Variants in ITPRID1 observed in about 807,000 individuals in gnomAD.
ITPRID1 encodes the protein protein ITPRID1.
Under a neutral mutation model 95.4 loss-of-function variants are expected in ITPRID1, and 96 were observed. The observed-to-expected ratio is 1.01, with a 90% confidence interval of 0.85 to 1.19. The LOEUF is 1.19. Ranked by LOEUF, ITPRID1 falls within the 50% of genes most tolerant of loss-of-function variation. ITPRID1 has a pLI of 0.00. For missense variants in ITPRID1, 1,339 were observed against 1,252.9 expected, an observed-to-expected ratio of 1.07 and a Z score of -1.04; for synonymous variants, 510 against 453.6, an observed-to-expected ratio of 1.12 and a Z score of -1.58.
chr7:31,612,528 G>C (rs1786920528), intron 10 of ITPRID1, among the ~76,000 whole-genome samples: 1 of 152,128 alleles, frequency 6.6e-6, no homozygotes, highest in Non-Finnish European at 1.5e-5. Context: ...TTGTTTTAAA[G>C]AGACTTTCCT....
intron 10 of ITPRID1, among the ~76,000 whole-genome samples, chr7:31,621,146 G>C (rs1787841920): frequency 6.6e-6 from 1 of 150,884 alleles, no homozygotes; most frequent in South Asian, 2.1e-4. Context: ...GTACCTGAAA[G>C]TGATGGGGAG....
At chr7:31,602,867 C>A (rs1363658246) in intron 10 of ITPRID1, among the ~76,000 whole-genome samples, 1 of 151,774 alleles carries the variant, frequency 6.6e-6, no homozygotes. Context: ...AGCAGGGTAC[C>A]CCCTGCATCT....
chr7:31,572,056 C>A (rs1785008402), intron 6 of ITPRID1, 46 bp from the exon 7 acceptor site: 11 of 1,235,448 alleles, frequency 8.9e-6, no homozygotes, highest in Non-Finnish European at 1.2e-5. Flanking sequence ...TCCCAGGAGA[C>A]TATCTAAATC....
At chr7:31,570,496 G>A (rs1007155109) in intron 6 of ITPRID1, among the ~76,000 whole-genome samples, 18 of 152,164 alleles carry the variant, frequency 1.2e-4, no homozygotes, top group African/African-American at 4.1e-4. Flanking sequence ...CGCATTTTCA[G>A]GATAATTCCA....
At chr7:31,607,298 C>T (rs1461364325) in intron 10 of ITPRID1, among the ~76,000 whole-genome samples, 2 of 152,010 alleles carry the variant, frequency 1.3e-5, no homozygotes, top group South Asian at 2.1e-4. Flanking sequence ...CATTTTTGGG[C>T]CACTTCCTTC....
At chr7:31,534,974 G>A (rs1286111029) in intron 1 of ITPRID1, among the ~76,000 whole-genome samples, 2 of 151,924 alleles carry the variant, frequency 1.3e-5, no homozygotes, top group East Asian at 3.9e-4. Context: ...TAGAATTACA[G>A]GGTCTAATAA....
chr7:31,553,090 G>A lies in ITPRID1; in HGVS notation c.66G>A (p.Glu22=). The A allele has an allele frequency of 6.2e-7, 1 of 1,606,996 alleles. No individual in the cohort carries two copies. The highest frequency in any genetic ancestry group is 1.1e-5 in the South Asian group (1 of 89,482). Residue 22 remains glutamate, a synonymous_variant, in exon 3 of 15, where the codon GAG becomes GAA. Coordinates refer to ENST00000615280, the MANE Select transcript of ITPRID1 (RefSeq NM_001257967.3). The stretch of plus-strand genomic sequence containing the variant: ...AAGGCCAGGAAAAGAGCAAGAGAGA[G>A]ATCCTGAAGTGCACCAAAAGCGCGT... ...LQEGQEKSKR[E]ILKCTKSAWA...
downstream of ITPRID1, among the ~76,000 whole-genome samples, chr7:31,656,779 G>C (rs1791326355): frequency 3.9e-5 from 6 of 152,192 alleles, no homozygotes; most frequent in South Asian, 1.2e-3. Flanking sequence ...ATTATTTTCT[G>C]ATGAAGAATA....
chr7:31,574,646 T>C lies in ITPRID1; in HGVS notation c.502T>C (p.Phe168Leu), dbSNP rs370670531. 1.8e-4 allele frequency: 294 copies of C among 1,613,848 alleles called. No individual in the cohort carries two copies. Among genetic ancestry groups the C allele is most frequent in the South Asian group, 3.4e-4 (31 of 91,088 alleles). Residue 168 changes from phenylalanine to leucine, a missense_variant, in exon 8 of 15, where the codon TTC (phenylalanine) becomes CTC (leucine). Coordinates refer to ENST00000615280, the MANE Select transcript of ITPRID1 (RefSeq NM_001257967.3). ...PDICMQIPARFLGCGSAARGI... is the reference protein window; with the variant it reads ...PDICMQIPARLLGCGSAARGI... ...CATCTGCATGCAAATCCCAGCCAGA[T>C]TCCTTGGTTGTGGCTCAGCAGCCAG...
chr7:31,658,327 T>A (rs775208326), downstream of ITPRID1: 21 of 1,523,264 alleles, frequency 1.4e-5, no homozygotes, highest in South Asian at 2.4e-4. Context: ...AGCAAATAAC[T>A]CTGCTAAAGA....
intron 1 of ITPRID1, among the ~76,000 whole-genome samples, chr7:31,543,553 T>G (rs1187210250): frequency 6.6e-6 from 1 of 152,136 alleles, no homozygotes; most frequent in South Asian, 2.1e-4. Context: ...TTCATATGCG[T>G]ATTTTCCATT....
rs1790220858 is a variant in ITPRID1, at chr7:31,643,688, C to T, written c.2318C>T (p.Thr773Ile). The change falls in exon 12 of 15, where the codon ACA becomes ATA. Residue 773 changes from threonine (T) to isoleucine (I), a missense_variant. By Grantham distance (89) the Thr-to-Ile change is moderately conservative. Coordinates refer to ENST00000615280, the MANE Select transcript of ITPRID1 (RefSeq NM_001257967.3). Reference sequence around the variant, plus strand: ...TCAGCTCTAAGCAACAAGACCTTGACACATGGGCCCCAGCCCCTCACCAAA... The same window carrying T: ...TCAGCTCTAAGCAACAAGACCTTGATACATGGGCCCCAGCCCCTCACCAAA... The part of the protein sequence containing the change: ...QTSALSNKTL[T>I]HGPQPLTKSV... The T allele has an allele frequency of 6.2e-7, 1 of 1,614,050 alleles. No homozygotes were observed. The highest frequency in any genetic ancestry group is 8.5e-7 in the Non-Finnish European group (1 of 1,179,904).
intron 1 of ITPRID1, among the ~76,000 whole-genome samples, chr7:31,542,526 A>G (rs1783966198): frequency 6.6e-6 from 1 of 152,126 alleles, no homozygotes; most frequent in African/African-American, 2.4e-5. Context: ...CTTTTCTTTA[A>G]TATCAAAGAA....
At chr7:31,552,341 C>T (rs1784308697) in intron 2 of ITPRID1, among the ~76,000 whole-genome samples, 1 of 102,782 alleles carries the variant, frequency 9.7e-6, no homozygotes, top group Admixed American at 9.8e-5. Context: ...AACTTAATCT[C>T]TCTGGTCTTC....
chr7:31,527,941 GT>G (rs1783475261), intron 1 of ITPRID1, among the ~76,000 whole-genome samples: 1 of 152,128 alleles, frequency 6.6e-6, no homozygotes, highest in African/African-American at 2.4e-5. Flanking sequence ...TGGAATTACA[GT>G]GCTTTGGTTA....
chr7:31,621,139 C>T (rs897755114), intron 10 of ITPRID1, among the ~76,000 whole-genome samples: 16 of 152,000 alleles, frequency 1.1e-4, no homozygotes, highest in Non-Finnish European at 8.8e-5. Flanking sequence ...GATTGGTGTA[C>T]CTGAAAGTGA....
intron 1 of ITPRID1, among the ~76,000 whole-genome samples, chr7:31,531,599 A>T (rs993421572): frequency 6.6e-6 from 1 of 152,196 alleles, no homozygotes; most frequent in Admixed American, 6.5e-5. Context: ...GCGTGAAACC[A>T]AAGAAATGTA....
chr7:31,546,414 T>TGTGC (rs950651022), intron 1 of ITPRID1, among the ~76,000 whole-genome samples: 5 of 151,924 alleles, frequency 3.3e-5, no homozygotes, highest in African/African-American at 1.2e-4. Flanking sequence ...TGTGTGTGTG[T>TGTGC]GTGCGTGCGC....
intron 10 of ITPRID1, among the ~76,000 whole-genome samples, chr7:31,639,544 T>TTTTTTTTTTTTTG (rs1562644465): frequency 2.2e-5 from 3 of 135,180 alleles, no homozygotes; most frequent in Admixed American, 7.2e-5. Context: ...TTTTGTTTTT[T>TTTTTTTTTTTTTG]TTTTTTTTTT....
Sources: allele counts gnomAD v4.1 joint callset (sites outside exome capture counted in the v4.1 genomes callset), GRCh38; gene constraint gnomAD v4.1.1; transcripts MANE v1.5; gene names NCBI Gene and HGNC (gene_info 2026-07-23, HGNC 2026-07-21).